The following ATP9A variants were observed in gnomAD, a reference collection of about 807,000 sequenced individuals.
ATP9A encodes the protein probable phospholipid-transporting ATPase IIA.
ATP9A carries 52 observed loss-of-function variants against 144.1 expected under a neutral mutation model. That is an observed-to-expected ratio of 0.36 (90% CI 0.29 to 0.45). The LOEUF (loss-of-function observed/expected upper bound fraction) is 0.45. ATP9A is among the 20% of genes least tolerant of loss of function. The probability of loss-of-function intolerance (pLI) is 1.00; values close to 1 mark genes in which losing one functional copy is unlikely to be tolerated. For missense variants in ATP9A, 947 were observed against 1,392.7 expected (o/e 0.68, Z 5.09); for synonymous variants, 582 against 557.4 (o/e 1.04, Z -0.62).
intron 15 of ATP9A, among the ~76,000 whole-genome samples, chr20:51,635,761 GAGAAA>G (rs1374261991): frequency 1.4e-5 from 2 of 138,582 alleles, no homozygotes; most frequent in Admixed American, 7.4e-5. Context: ...AAAAAGAGAA[GAGAAA>G]AGAAAAGAGA....
intron 1 of ATP9A, among the ~76,000 whole-genome samples, chr20:51,767,848 GC>G (rs1239313549): frequency 1.3e-5 from 2 of 152,208 alleles, no homozygotes; most frequent in Non-Finnish European, 2.9e-5. Context: ...CGTAGGCCGC[GC>G]CCCCCTAAAA....
chr20:51,686,401 T>A (rs1229475809), intron 9 of ATP9A, among the ~76,000 whole-genome samples: 1 of 151,828 alleles, frequency 6.6e-6, no homozygotes, highest in Non-Finnish European at 1.5e-5. Context: ...TAAAAAATTT[T>A]AAATTTCTAT....
chr20:51,606,924 A>G (rs1042000168), intron 26 of ATP9A, among the ~76,000 whole-genome samples: 1 of 150,600 alleles, frequency 6.6e-6, no homozygotes, highest in African/African-American at 2.4e-5. Flanking sequence ...AATATATTTT[A>G]TAAGTATATA....
intron 15 of ATP9A, among the ~76,000 whole-genome samples, chr20:51,638,895 G>A (rs914755326): frequency 2.6e-5 from 4 of 152,026 alleles, no homozygotes; most frequent in African/African-American, 9.7e-5. Flanking sequence ...TTTTTAACGT[G>A]CCCGGCCACA....
chr20:51,612,992 A>G (rs2122714078), intron 23 of ATP9A, among the ~76,000 whole-genome samples: 1 of 152,272 alleles, frequency 6.6e-6, no homozygotes, highest in Admixed American at 6.5e-5. Context: ...GAAGGTACTC[A>G]GATTGTGACT....
chr20:51,690,226 C>T (rs1360711807), intron 8 of ATP9A, among the ~76,000 whole-genome samples: 2 of 151,524 alleles, frequency 1.3e-5, no homozygotes, highest in Non-Finnish European at 2.9e-5. Flanking sequence ...CAAGACCATC[C>T]TGGCTAACAC....
intron 1 of ATP9A, among the ~76,000 whole-genome samples, chr20:51,763,261 G>A (rs974577825): frequency 1.3e-5 from 2 of 151,672 alleles, no homozygotes; most frequent in African/African-American, 4.8e-5. Context: ...ATGCCGGAGT[G>A]ATGGTTGCAT....
intron 15 of ATP9A, among the ~76,000 whole-genome samples, chr20:51,633,928 G>C (rs1014487566): frequency 1.8e-4 from 27 of 149,968 alleles, no homozygotes; most frequent in Non-Finnish European, 1.5e-4. Context: ...GGGAGGGAGA[G>C]AGAGAGGGAG....
At chr20:51,750,522 T>C (rs1049692257) in intron 1 of ATP9A, among the ~76,000 whole-genome samples, 4 of 152,164 alleles carry the variant, frequency 2.6e-5, no homozygotes, top group Non-Finnish European at 4.4e-5. Flanking sequence ...TGGAAGGCAA[T>C]TTCCTAGACA....
chr20:51,623,818 A>AAAG (rs1178379038), intron 18 of ATP9A, among the ~76,000 whole-genome samples: 1 of 126,838 alleles, frequency 7.9e-6, no homozygotes, highest in Non-Finnish European at 1.7e-5. Flanking sequence ...AGAAAGAAAG[A>AAAG]AAAGAAAAGA....
In ATP9A at chr20:51,670,038, T is replaced by C. The variant is rs1367564002; in HGVS notation, c.1252A>G (p.Met418Val). 3.7e-6 allele frequency: 6 copies of C among 1,614,194 alleles called. No homozygotes were observed. The highest frequency in any genetic ancestry group is 1.1e-5 in the South Asian group (1 of 91,084). Residue 418 changes from methionine to valine, a missense_variant, in exon 13 of 28, where the codon ATG becomes GTG. Physicochemically the swap from Met to Val is conservative, Grantham distance 21. Coordinates refer to ENST00000338821, the MANE Select transcript of ATP9A (RefSeq NM_006045.3). ...LGTVAYGLDS[M>V]DEVQSHIFSI... ...AAAATGTGGCTTTGTACTTCGTCCA[T>C]TGAGTCGAGGCCGTAGGCTACTGTT...
intron 3 of ATP9A, 58 bp from the exon 4 acceptor site, chr20:51,713,132 C>G (rs1742900680): frequency 6.7e-7 from 1 of 1,491,662 alleles, no homozygotes; most frequent in Non-Finnish European, 9.1e-7. Flanking sequence ...CTGCAGCCAA[C>G]CGTCCCCTCC....
intron 21 of ATP9A, 128 bp downstream of exon 21, chr20:51,618,534 A>C (rs778683841): frequency 1.0e-4 from 140 of 1,347,602 alleles, no homozygotes; most frequent in Non-Finnish European, 1.3e-4. Context: ...GGTGGAGAAA[A>C]ATCATGACCT....
At position 51,654,188 on chromosome 20, in the gene ATP9A, C is replaced by A. The variant is rs116342565; in HGVS notation, c.1506+2750G>T. ...CTCCTAAAAAGCCTGGTTCAAATGT[C>A]AACAGTCACGGATGAACTGGGTTTT... On this transcript the variant is annotated intron_variant, in intron 14 of 27. Coordinates refer to ENST00000338821, the MANE Select transcript of ATP9A (RefSeq NM_006045.3). Among the ~76,000 whole-genome samples, 1,116 of 152,180 alleles carry A rather than the reference C, an allele frequency of 7.3e-3. 13 individuals carry two copies. Among genetic ancestry groups the A allele is most frequent in the African/African-American group, 0.025 (1,057 of 41,522 alleles).
At chr20:51,624,819 A>G (rs2077241085) in intron 18 of ATP9A, among the ~76,000 whole-genome samples, 1 of 152,226 alleles carries the variant, frequency 6.6e-6, no homozygotes, top group African/African-American at 2.4e-5. Context: ...CAGCCTGGCC[A>G]ACATGGTGAA....
intron 4 of ATP9A, among the ~76,000 whole-genome samples, chr20:51,709,191 A>G (rs1447170533): frequency 6.6e-6 from 1 of 152,116 alleles, no homozygotes; most frequent in Non-Finnish European, 1.5e-5. Flanking sequence ...ACCTATATGT[A>G]TATGGACATT....
intron 3 of ATP9A, among the ~76,000 whole-genome samples, chr20:51,715,563 C>T (rs1444948213): frequency 6.6e-6 from 1 of 152,182 alleles, no homozygotes; most frequent in African/African-American, 2.4e-5. Context: ...CATACAAAGA[C>T]AGGAGCCGCT....
intron 14 of ATP9A, among the ~76,000 whole-genome samples, chr20:51,653,267 A>T (rs1050571283): frequency 6.6e-6 from 1 of 152,154 alleles, no homozygotes; most frequent in Non-Finnish European, 1.5e-5. Flanking sequence ...CAGAAGAGAT[A>T]AAGTACCATT....
At chr20:51,722,597 C>A (rs1463522020) in intron 3 of ATP9A, among the ~76,000 whole-genome samples, 1 of 152,158 alleles carries the variant, frequency 6.6e-6, no homozygotes, top group African/African-American at 2.4e-5. Flanking sequence ...AAAAAATGAT[C>A]AACATCACTA....
Sources: gnomAD v4.1 joint callset for allele counts (sites outside exome capture counted in the v4.1 genomes callset) on GRCh38, gnomAD v4.1.1 for gene constraint, MANE v1.5 for transcripts, NCBI Gene and HGNC (gene_info 2026-07-23, HGNC 2026-07-21) for gene names.